Variants in C7 observed in about 807,000 individuals in gnomAD.
C7 encodes the protein complement component C7.
Under a neutral mutation model 104.8 loss-of-function variants are expected in C7, and 83 were observed. That is an observed-to-expected ratio of 0.79 (90% CI 0.66 to 0.95). The LOEUF (loss-of-function observed/expected upper bound fraction) is 0.95, where lower values mean the gene tolerates loss of function less well. C7 is among the 40% of genes least tolerant of loss of function. C7 has a pLI of 0.00. For missense variants in C7, 1,070 were observed against 1,011.2 expected (o/e 1.06, Z -0.79); for synonymous variants, 415 against 360.6 (o/e 1.15, Z -1.71).
intron 15 of C7, among the ~76,000 whole-genome samples, chr5:40,976,299 AAC>A (rs2111721600): frequency 6.6e-6 from 1 of 152,322 alleles, no homozygotes; most frequent in African/African-American, 2.4e-5. Context: ...CCAAACAACA[AAC>A]AGTTTATAAG....
Position 40,960,591 on chromosome 5 carries a change from A to G in C7, c.1661+971A>G, listed in dbSNP as rs114124341. ...TGCATTTTTCCTGCTTTTTGACATA[A>G]AGCTAGGAGGAGAGGTACATCCTAA... On this transcript the variant is annotated intron_variant, in intron 12 of 17. Transcript: ENST00000313164. Among the ~76,000 whole-genome samples, 1,378 of 152,148 alleles carry G rather than the reference A, an allele frequency of 9.1e-3. 13 individuals carry two copies. The highest frequency in any genetic ancestry group is 0.032 in the African/African-American group (1,313 of 41,518).
intron 6 of C7, among the ~76,000 whole-genome samples, chr5:40,939,795 A>C (rs1019384518): frequency 1.7e-4 from 26 of 152,262 alleles, no homozygotes; most frequent in African/African-American, 5.8e-4. Flanking sequence ...GAAGGTAGAC[A>C]GGCAGGAAGT....
rs199592002 is a variant in C7 at position 40,981,443 on chromosome 5, G to A, written c.2402G>A (p.Gly801Glu). Residue 801 changes from glycine (G) to glutamate (E), a missense_variant, in exon 18 of 18, where the codon GGG (glycine) becomes GAG (glutamate). Coordinates refer to ENST00000313164, the MANE Select transcript of C7 (RefSeq NM_000587.4). ...GAAGCATCGGAGTGCGAGGAAGAAG[G>A]GTTTAGCATTTGTGTGGAAGTGAAC... is the stretch of plus-strand genomic sequence containing the variant. ...CREASECEEEGFSICVEVNGK... is the reference protein window; with the variant it reads ...CREASECEEEEFSICVEVNGK... 1.7e-4 allele frequency: 276 copies of A among 1,613,536 alleles called. No individual in the cohort carries two copies. The highest frequency in any genetic ancestry group is 2.2e-4 in the Non-Finnish European group (258 of 1,179,752).
intron 9 of C7, chr5:40,954,892 A>AG (rs1277154424): frequency 2.1e-4 from 61 of 292,778 alleles, no homozygotes; most frequent in African/African-American, 1.2e-3. Context: ...AAAAAAAAAA[A>AG]AAAAAAAAAA....
At chr5:40,948,360 GTA>G (rs1344176743) in intron 8 of C7, among the ~76,000 whole-genome samples, 1 of 152,090 alleles carries the variant, frequency 6.6e-6, no homozygotes, top group Non-Finnish European at 1.5e-5. Flanking sequence ...ACATGTATTA[GTA>G]ATAATCCTTA....
intron 1 of C7, among the ~76,000 whole-genome samples, chr5:40,925,741 C>G (rs934634232): frequency 1.3e-5 from 2 of 152,132 alleles, no homozygotes; most frequent in African/African-American, 4.8e-5. Flanking sequence ...TCTGGTGAAA[C>G]CTGCAGGGAG....
intron 4 of C7, among the ~76,000 whole-genome samples, chr5:40,934,738 A>T (rs1739778754): frequency 6.6e-6 from 1 of 152,158 alleles, no homozygotes. Context: ...AAAGTTCTTG[A>T]CAGTGTATTT....
intron 17 of C7, chr5:40,980,172 A>T (rs1468786383): frequency 3.0e-6 from 1 of 334,446 alleles, no homozygotes; most frequent in Non-Finnish European, 5.4e-6. Flanking sequence ...CACCTTCATG[A>T]TTTTTACTCT....
At chr5:40,925,262 T>A (rs1351282139) in intron 1 of C7, among the ~76,000 whole-genome samples, 2 of 152,198 alleles carry the variant, frequency 1.3e-5, no homozygotes, top group African/African-American at 4.8e-5. Context: ...CCCTAAGTTA[T>A]CACTCTTAAG....
intron 1 of C7, among the ~76,000 whole-genome samples, chr5:40,919,031 T>C (rs539315174): frequency 1.1e-4 from 17 of 150,688 alleles, no homozygotes; most frequent in African/African-American, 4.2e-4. Context: ...CACATTCTTC[T>C]CAAGTGCACA....
At chr5:40,926,857 T>C (rs1353226715) in intron 1 of C7, among the ~76,000 whole-genome samples, 2 of 151,434 alleles carry the variant, frequency 1.3e-5, no homozygotes, top group Non-Finnish European at 2.9e-5. Context: ...GCAATCTTTA[T>C]CAAAATTCTA....
At chr5:40,924,375 C>T (rs1739507212) in intron 1 of C7, among the ~76,000 whole-genome samples, 1 of 152,206 alleles carries the variant, frequency 6.6e-6, no homozygotes, top group Admixed American at 6.5e-5. Flanking sequence ...ACTTCTTTGG[C>T]TTTGCAGGGT....
intron 1 of C7, among the ~76,000 whole-genome samples, chr5:40,926,827 C>G (rs1380016725): frequency 6.6e-6 from 1 of 152,084 alleles, no homozygotes; most frequent in African/African-American, 2.4e-5. Flanking sequence ...CATACTACCA[C>G]AGTGATCTAG....
chr5:40,920,772 G>A (rs1327764344), intron 1 of C7, among the ~76,000 whole-genome samples: 1 of 151,998 alleles, frequency 6.6e-6, no homozygotes, highest in Non-Finnish European at 1.5e-5. Context: ...ATGTAGGCTG[G>A]GCATGGTGGC....
chr5:40,945,440 A>G, intron 7 of C7, 72 bp downstream of exon 7: 1 of 1,002,946 alleles, frequency 1.0e-6, no homozygotes, highest in Non-Finnish European at 1.4e-6. Context: ...ATAAACTTGT[A>G]TTTATCAAAA....
chr5:40,980,397 A>T (rs1288764352), intron 17 of C7: 1 of 152,422 alleles, frequency 6.6e-6, no homozygotes, highest in Admixed American at 6.5e-5. Context: ...CTGTGAGTTT[A>T]GCAAGTGTTA....
chr5:40,971,038 A>G (rs532921252), intron 14 of C7, among the ~76,000 whole-genome samples: 8 of 152,334 alleles, frequency 5.3e-5, no homozygotes, highest in African/African-American at 1.9e-4. Context: ...TAGTGCTGCA[A>G]TAAACATACG....
At chr5:40,942,764 CTTTCT>C (rs956636572) in intron 6 of C7, among the ~76,000 whole-genome samples, 1 of 148,992 alleles carries the variant, frequency 6.7e-6, no homozygotes, top group Non-Finnish European at 1.5e-5. Context: ...GATTTTCTTT[CTTTCT>C]TTTTTTTTTT....
chr5:40,953,360 C>T (rs900768106), intron 9 of C7, among the ~76,000 whole-genome samples: 10 of 151,868 alleles, frequency 6.6e-5, no homozygotes, highest in African/African-American at 1.7e-4. Flanking sequence ...GGAATAAATT[C>T]GACTAGGCGT....
Sources: gnomAD v4.1 joint callset for allele counts (sites outside exome capture counted in the v4.1 genomes callset) on GRCh38, gnomAD v4.1.1 for gene constraint, MANE v1.5 for transcripts, NCBI Gene and HGNC (gene_info 2026-07-23, HGNC 2026-07-21) for gene names.